Variants in NBEA observed in about 807,000 individuals in gnomAD.
The protein encoded by NBEA is neurobeachin.
In NBEA, 44 loss-of-function variants were observed where a neutral mutation model predicts 343.4. The observed-to-expected ratio is 0.13, with a 90% CI of 0.10 to 0.16. NBEA has a LOEUF of 0.16. NBEA is among the 10% of genes least tolerant of loss of function. NBEA has a pLI of 1.00. For synonymous variants in NBEA, 1,175 were observed against 1,238.7 expected (o/e 0.95, Z 1.08); for missense variants, 2,555 against 3,631.3 (o/e 0.70, Z 7.62).
intron 44 of NBEA, 138 bp downstream of exon 44, chr13:35,555,240 T>G: frequency 1.9e-6 from 1 of 515,706 alleles, no homozygotes. Context: ...CACATTAAAT[T>G]TTATCAGAAA....
At chr13:35,086,889 T>C (rs757160527) in intron 10 of NBEA, among the ~76,000 whole-genome samples, 2 of 151,962 alleles carry the variant, frequency 1.3e-5, no homozygotes, top group African/African-American at 2.4e-5. Context: ...GCATTCCTCT[T>C]ATGCTTAGTC....
intron 39 of NBEA, among the ~76,000 whole-genome samples, chr13:35,433,231 T>G (rs190651976): frequency 8.5e-5 from 13 of 152,214 alleles, no homozygotes; most frequent in African/African-American, 3.1e-4. Flanking sequence ...TACTTGCCCA[T>G]TTTTAAATGC....
chr13:35,571,329 C>A (rs1458605573), intron 45 of NBEA, among the ~76,000 whole-genome samples: 1 of 152,134 alleles, frequency 6.6e-6, no homozygotes, highest in African/African-American at 2.4e-5. Context: ...GAAAACACAG[C>A]TGAAAGTGGC....
chr13:35,206,588 T>C (rs1021936160), intron 31 of NBEA, among the ~76,000 whole-genome samples: 4 of 152,124 alleles, frequency 2.6e-5, no homozygotes, highest in East Asian at 1.9e-4. Context: ...TTTCTGTTGA[T>C]TTTTATGTAG....
chr13:34,957,266 C>G (rs1044490628), intron 1 of NBEA, among the ~76,000 whole-genome samples: 5 of 152,104 alleles, frequency 3.3e-5, no homozygotes, highest in African/African-American at 1.2e-4. Flanking sequence ...TTTCCTTCAT[C>G]TTTATTACAA....
intron 43 of NBEA, among the ~76,000 whole-genome samples, chr13:35,551,819 A>G (rs957436760): frequency 6.6e-6 from 1 of 152,210 alleles, no homozygotes; most frequent in Non-Finnish European, 1.5e-5. Context: ...TACAGTAGGA[A>G]AAAGACACAA....
chr13:35,344,294 T>C (rs1009615905), intron 36 of NBEA, among the ~76,000 whole-genome samples: 1 of 152,048 alleles, frequency 6.6e-6, no homozygotes, highest in African/African-American at 2.4e-5. Flanking sequence ...GCGTAAAAGC[T>C]TATTACTTGA....
At chr13:35,045,864 A>G (rs892222891) in intron 4 of NBEA, among the ~76,000 whole-genome samples, 6 of 151,978 alleles carry the variant, frequency 3.9e-5, no homozygotes, top group African/African-American at 7.2e-5. Context: ...AGTAGCTGGT[A>G]TTACAGACAC....
intron 36 of NBEA, among the ~76,000 whole-genome samples, chr13:35,319,662 C>T (rs896314939): frequency 6.6e-6 from 1 of 152,102 alleles, no homozygotes; most frequent in African/African-American, 2.4e-5. Context: ...AATTTTCTCT[C>T]GTTGATATGT....
chr13:35,608,835 C>T (rs181354008), intron 48 of NBEA, among the ~76,000 whole-genome samples: 6 of 151,272 alleles, frequency 4.0e-5, no homozygotes, highest in Admixed American at 3.3e-4. Flanking sequence ...TTTTTTTTAA[C>T]ATTTATTTTA....
chr13:35,205,877 T>C (rs1461945980), intron 31 of NBEA, among the ~76,000 whole-genome samples: 1 of 152,126 alleles, frequency 6.6e-6, no homozygotes, highest in Non-Finnish European at 1.5e-5. Context: ...CTTAAGTTTA[T>C]GATGATATTA....
At chr13:35,019,346 G>A (rs2152539994) in intron 1 of NBEA, among the ~76,000 whole-genome samples, 1 of 150,540 alleles carries the variant, frequency 6.6e-6, no homozygotes, top group South Asian at 2.1e-4. Flanking sequence ...CACCCAGGCT[G>A]GAGTGCAGTG....
intron 34 of NBEA, among the ~76,000 whole-genome samples, chr13:35,268,764 G>A (rs572955520): frequency 6.6e-6 from 1 of 152,048 alleles, no homozygotes; most frequent in Non-Finnish European, 1.5e-5. Context: ...CCATTTTAAT[G>A]TATGATCATT....
At chr13:35,527,907 G>A (rs1325838485) in intron 41 of NBEA, among the ~76,000 whole-genome samples, 1 of 152,190 alleles carries the variant, frequency 6.6e-6, no homozygotes, top group Non-Finnish European at 1.5e-5. Context: ...TAGTCAGGCT[G>A]CCTCTGCCAT....
intron 45 of NBEA, among the ~76,000 whole-genome samples, chr13:35,577,149 G>C (rs1252091032): frequency 6.6e-6 from 1 of 152,168 alleles, no homozygotes; most frequent in East Asian, 1.9e-4. Flanking sequence ...TAGAAAAAGA[G>C]AGCTTTTCCC....
intron 40 of NBEA, among the ~76,000 whole-genome samples, chr13:35,453,092 T>C (rs1426112145): frequency 2.0e-5 from 3 of 152,212 alleles, no homozygotes; most frequent in Non-Finnish European, 4.4e-5. Context: ...TTATAATTCT[T>C]GATACAACAT....
intron 45 of NBEA, among the ~76,000 whole-genome samples, chr13:35,581,538 G>A (rs2081035545): frequency 6.6e-6 from 1 of 151,954 alleles, no homozygotes; most frequent in South Asian, 2.1e-4. Context: ...TGTCAGATGA[G>A]TAGGTTGCGG....
chr13:35,410,327 C>T (rs1480217693), intron 38 of NBEA, among the ~76,000 whole-genome samples: 1 of 152,082 alleles, frequency 6.6e-6, no homozygotes, highest in Non-Finnish European at 1.5e-5. Context: ...TGAGAGTATA[C>T]TTCGTAAAGG....
At chr13:35,395,421 G>A (rs1356820282) in intron 38 of NBEA, among the ~76,000 whole-genome samples, 6 of 151,548 alleles carry the variant, frequency 4.0e-5, no homozygotes, top group Admixed American at 2.6e-4. Flanking sequence ...CTTCCCCTTC[G>A]CCTTCTGCCA....
Sources: gnomAD v4.1 joint callset for allele counts (sites outside exome capture counted in the v4.1 genomes callset) on GRCh38, gnomAD v4.1.1 for gene constraint, MANE v1.5 for transcripts, NCBI Gene and HGNC (gene_info 2026-07-23, HGNC 2026-07-21) for gene names.